The following RAD51B variants were observed in gnomAD, a reference collection of about 807,000 sequenced individuals.
RAD51B encodes RAD51 paralog B, also known as DNA repair protein RAD51 homolog 2.
Under a neutral mutation model 42.2 loss-of-function variants are expected in RAD51B, and 38 were observed. That is an observed-to-expected ratio of 0.90 (90% CI 0.70 to 1.18). The LOEUF is 1.18. RAD51B is among the 50% of genes most tolerant of loss of function. RAD51B has a pLI of 0.00. For missense variants in RAD51B, 373 were observed against 400.7 expected, an observed-to-expected ratio of 0.93 and a Z score of 0.59; for synonymous variants, 154 against 145.2, an observed-to-expected ratio of 1.06 and a Z score of -0.43.
chr14:68,022,039 A>C (rs1334284572), intron 7 of RAD51B, among the ~76,000 whole-genome samples: 2 of 152,202 alleles, frequency 1.3e-5, no homozygotes, highest in Non-Finnish European at 2.9e-5. Flanking sequence ...CTTGGTAATA[A>C]GAGTAGTACC....
At chr14:67,925,972 A>G (rs1210145380) in intron 7 of RAD51B, among the ~76,000 whole-genome samples, 8 of 152,138 alleles carry the variant, frequency 5.3e-5, no homozygotes, top group Non-Finnish European at 1.0e-4. Flanking sequence ...CACACAGCAC[A>G]GGGACCCTGG....
intron 7 of RAD51B, among the ~76,000 whole-genome samples, chr14:67,888,384 T>C (rs1467370183): frequency 2.0e-5 from 3 of 152,178 alleles, no homozygotes; most frequent in African/African-American, 7.2e-5. Flanking sequence ...GTTGGCCCTC[T>C]GTATCTGTGG....
chr14:67,932,596 G>T (rs2044780744), intron 7 of RAD51B, among the ~76,000 whole-genome samples: 1 of 152,170 alleles, frequency 6.6e-6, no homozygotes, highest in Non-Finnish European at 1.5e-5. Context: ...AGGTGAGCAA[G>T]TTCTCATGTC....
intron 7 of RAD51B, among the ~76,000 whole-genome samples, chr14:68,030,363 C>A (rs2076022335): frequency 6.6e-6 from 1 of 152,180 alleles, no homozygotes; most frequent in Non-Finnish European, 1.5e-5. Context: ...CATTAATGAT[C>A]TTATCTAGAT....
At chr14:68,316,791 T>C (rs1430670618) in intron 8 of RAD51B, among the ~76,000 whole-genome samples, 1 of 152,202 alleles carries the variant, frequency 6.6e-6, no homozygotes, top group Non-Finnish European at 1.5e-5. Context: ...GAGGATCCTC[T>C]GTTGATGACT....
chr14:68,301,122 T>C (rs796097921), intron 8 of RAD51B, among the ~76,000 whole-genome samples: 11 of 152,278 alleles, frequency 7.2e-5, no homozygotes, highest in African/African-American at 2.2e-4. Flanking sequence ...TAGGTTATGA[T>C]GTTGATTTTT....
At chr14:67,942,918 A>G (rs1595143327) in intron 7 of RAD51B, among the ~76,000 whole-genome samples, 1 of 152,090 alleles carries the variant, frequency 6.6e-6, no homozygotes, top group African/African-American at 2.4e-5. Flanking sequence ...TTATATACCC[A>G]TTTTATGCAT....
At chr14:67,988,663 A>G (rs1171442189) in intron 7 of RAD51B, among the ~76,000 whole-genome samples, 1 of 152,172 alleles carries the variant, frequency 6.6e-6, no homozygotes, top group Non-Finnish European at 1.5e-5. Flanking sequence ...TTTCCACTGC[A>G]GCAGGAAGAG....
chr14:67,919,356 G>A (rs1157343133), intron 7 of RAD51B, among the ~76,000 whole-genome samples: 2 of 152,216 alleles, frequency 1.3e-5, no homozygotes, highest in East Asian at 3.9e-4. Context: ...CCTAAAAGCA[G>A]GACACAGATT....
chr14:68,444,892 A>G (rs531956385), intron 9 of RAD51B, among the ~76,000 whole-genome samples: 1 of 152,346 alleles, frequency 6.6e-6, no homozygotes, highest in South Asian at 2.1e-4. Flanking sequence ...TGCCAAGGCT[A>G]AATGAACTGG....
chr14:68,035,394 A>G (rs1223998575), intron 7 of RAD51B, among the ~76,000 whole-genome samples: 1 of 152,134 alleles, frequency 6.6e-6, no homozygotes, highest in Non-Finnish European at 1.5e-5. Flanking sequence ...TAACAAATTA[A>G]CATATCCTGA....
At chr14:68,132,428 G>A (rs2588834) in intron 7 of RAD51B, among the ~76,000 whole-genome samples, 126,960 of 152,206 alleles carry the variant, frequency 0.83, 53,140 homozygotes, top group East Asian at 0.98. Flanking sequence ...GGAGGCATAT[G>A]TGTTTCAACA....
chr14:67,885,183 C>G (rs1225554037), intron 5 of RAD51B, among the ~76,000 whole-genome samples: 1 of 152,108 alleles, frequency 6.6e-6, no homozygotes, highest in African/African-American at 2.4e-5. Flanking sequence ...ACATTTTTAA[C>G]CATAAATATG....
chr14:68,561,457 C>G (rs549540673), intron 10 of RAD51B, among the ~76,000 whole-genome samples: 3 of 152,300 alleles, frequency 2.0e-5, no homozygotes, highest in East Asian at 3.9e-4. Context: ...TCACCTGGGG[C>G]CTCTGCTCTG....
intron 11 of RAD51B, among the ~76,000 whole-genome samples, chr14:68,668,034 A>G (rs1404570715): frequency 6.6e-6 from 1 of 152,200 alleles, no homozygotes. Context: ...CTGGGAAACA[A>G]GTGATTACCA....
rs1240571835 is a variant in RAD51B, at chr14:67,886,908, G to C, written c.573-113G>C. 6 of 663,350 alleles carry C rather than the reference G, an allele frequency of 9.0e-6. No homozygotes were observed. The South Asian group carries it at 1.2e-4, about 13-fold the overall frequency. 41.1% of individuals were successfully genotyped at this position (663,350 alleles called of 1,614,324 possible). ...TACTGAATTCTTGCAAATCATTACT[G>C]TAACTTAGGAAAGAATAGTTTATTG... On this transcript the variant is annotated intron_variant, in intron 6 of 10. Coordinates refer to ENST00000471583, the MANE Select transcript of RAD51B (RefSeq NM_133510.4).
At chr14:68,543,022 G>C (rs2525527) in intron 10 of RAD51B, among the ~76,000 whole-genome samples, 2 of 152,062 alleles carry the variant, frequency 1.3e-5, no homozygotes, top group African/African-American at 2.4e-5. Flanking sequence ...TTAAATCTTC[G>C]TAAGATGTCT....
At chr14:68,402,269 G>C (rs900535016) in intron 8 of RAD51B, among the ~76,000 whole-genome samples, 1 of 151,956 alleles carries the variant, frequency 6.6e-6, no homozygotes, top group East Asian at 1.9e-4. Context: ...CATCCTCTTC[G>C]CCTTTTGTTG....
chr14:68,115,151 T>C (rs1444048163), intron 7 of RAD51B, among the ~76,000 whole-genome samples: 1 of 136,366 alleles, frequency 7.3e-6, no homozygotes, highest in African/African-American at 3.4e-5. Flanking sequence ...AACCCAAATG[T>C]CCAACAATGA....
Sources: allele counts gnomAD v4.1 joint callset (sites outside exome capture counted in the v4.1 genomes callset), GRCh38; gene constraint gnomAD v4.1.1; transcripts MANE v1.5; gene names NCBI Gene and HGNC (gene_info 2026-07-23, HGNC 2026-07-21).